Variants in PURG observed in about 807,000 individuals in gnomAD.
The protein encoded by PURG is purine rich element binding protein G.
Under a neutral mutation model 24.3 loss-of-function variants are expected in PURG, and 3 were observed. The ratio of observed to expected loss-of-function variants is 0.12; its 90% CI spans 0.06 to 0.32. PURG has a LOEUF of 0.32. Among genes scored for constraint, PURG ranks in the 10% least tolerant of loss-of-function variants. The pLI is 1.00. For missense variants in PURG, 371 were observed against 439.1 expected, an observed-to-expected ratio of 0.84 and a Z score of 1.39; for synonymous variants, 180 against 173.1, an observed-to-expected ratio of 1.04 and a Z score of -0.31.
chr8:31,020,673 G>A (rs1422615795), intron 1 of PURG, among the ~76,000 whole-genome samples: 2 of 152,146 alleles, frequency 1.3e-5, no homozygotes, highest in South Asian at 2.1e-4. Context: ...TTATTAAAAA[G>A]TTGCTTGTTT....
intron 1 of PURG, among the ~76,000 whole-genome samples, chr8:30,998,114 CA>C (rs1285247139): frequency 6.6e-6 from 1 of 151,666 alleles, no homozygotes. Flanking sequence ...AAAAACTGTC[CA>C]AAAATTGTTC....
exon 2 of PURG, chr8:30,996,666 A>C (rs1318236220): frequency 8.7e-6 from 14 of 1,612,056 alleles, no homozygotes; most frequent in Non-Finnish European, 1.2e-5. Context: ...AAAAAGGTTG[A>C]TATTCTCTCT....
At chr8:31,002,779 C>T (rs1445791129) in intron 1 of PURG, among the ~76,000 whole-genome samples, 7 of 152,184 alleles carry the variant, frequency 4.6e-5, no homozygotes, top group Non-Finnish European at 1.0e-4. Flanking sequence ...CCACCGTGCC[C>T]GGCCGAGATC....
rs111799828 is a variant in PURG at position 31,005,854 on chromosome 8, A to G, written c.865-9157T>C. Among the ~76,000 whole-genome samples the G allele has an allele frequency of 1.8e-3, 270 of 150,764 alleles. 1 individual carries two copies. Among genetic ancestry groups the G allele is most frequent in the African/African-American group, 6.0e-3 (246 of 40,860 alleles). On this transcript the variant is annotated intron_variant, in intron 1 of 1. Transcript: ENST00000339382. ...ACGCCCTGGAAAGGGATTCATGACT[A>G]ATTATCTATGGAGGACACGGGTTTT...
exon 2 of PURG, chr8:30,996,441 A>G: frequency 3.8e-6 from 2 of 526,748 alleles, no homozygotes. Flanking sequence ...TCAACATAAG[A>G]TCAGTTTGGA....
Position 31,032,545 on chromosome 8 carries a change from A to C in PURG, c.238T>G (p.Ser80Ala). 2.5e-6 allele frequency: 4 copies of C among 1,613,892 alleles called. No homozygotes were observed. The highest frequency in any genetic ancestry group is 3.4e-6 in the Non-Finnish European group (4 of 1,179,960). Residue 80 changes from serine (S) to alanine (A), a missense_variant, in exon 2 of 2, where the codon TCC becomes GCC. Coordinates refer to ENST00000523392, the MANE Select transcript of PURG (RefSeq NM_001323311.2). This position sits in a 1 kb window ranked among gnomAD's most constrained non-coding sequence, Gnocchi z 5.9. ...KRFYLDVKQSSRGRFLKIAEV... is the reference protein window; with the variant it reads ...KRFYLDVKQSARGRFLKIAEV... ...GCTATCTTTAGGAAGCGGCCCCGGG[A>C]GCTTTGCTTCACGTCTAGGTAAAAC...
rs560170833 is a variant in PURG, at chr8:31,024,825, T to C, written c.864+7094A>G. Among the ~76,000 whole-genome samples the C allele has an allele frequency of 1.9e-4, 29 of 152,170 alleles. No homozygotes were observed. In the South Asian group the frequency reaches 5.4e-3, roughly 28 times the overall value. ...CAAAAAAAACAACATAAGCTTTTTT[T>C]CCCCAGTCTTACACTTTGAGCAACT... On this transcript the variant is annotated intron_variant, in intron 1 of 1. Transcript: ENST00000339382.
downstream of PURG, among the ~76,000 whole-genome samples, chr8:31,028,627 T>C (rs989318133): frequency 2.0e-5 from 3 of 151,756 alleles, no homozygotes; most frequent in Non-Finnish European, 3.0e-5. Flanking sequence ...TGACTCAAGT[T>C]TCAGGGACAT....
chr8:31,033,336 G>A lies in PURG; in HGVS notation c.-265C>T, dbSNP rs369167366. The A allele has an allele frequency of 1.9e-5, 3 of 157,468 alleles. No individual in the cohort carries two copies. The East Asian group carries it at 5.7e-4, about 30-fold the overall frequency. The allele number at this position is 157,468 out of a possible 1,614,324, so 9.8% of individuals were successfully genotyped here. On this transcript the variant is annotated 5_prime_UTR_variant, in exon 1 of 2. Coordinates refer to ENST00000523392, the MANE Select transcript of PURG (RefSeq NM_001323311.2). ...ACCGGCCCCGCACCCGCCAGGAGGG[G>A]AGGGAAGGGGAGGCGGGGAGAGCGA...
intron 1 of PURG, among the ~76,000 whole-genome samples, chr8:31,017,165 T>C (rs547492969): frequency 2.6e-5 from 4 of 152,112 alleles, no homozygotes; most frequent in Admixed American, 2.0e-4. Context: ...TAGCAAATAT[T>C]TGGCATGAAC....
At chr8:31,021,224 T>A (rs755156341) in intron 1 of PURG, among the ~76,000 whole-genome samples, 2 of 152,258 alleles carry the variant, frequency 1.3e-5, no homozygotes, top group Admixed American at 6.5e-5. Flanking sequence ...AAAATATTGA[T>A]AAGATTTATT....
At chr8:31,002,563 A>T (rs778463313) in intron 1 of PURG, among the ~76,000 whole-genome samples, 2 of 152,156 alleles carry the variant, frequency 1.3e-5, no homozygotes, top group Non-Finnish European at 2.9e-5. Context: ...GGCTCACTGC[A>T]ACCTCTGTCT....
intron 1 of PURG, among the ~76,000 whole-genome samples, chr8:31,012,955 T>C (rs920764890): frequency 1.3e-5 from 2 of 152,262 alleles, no homozygotes; most frequent in Admixed American, 6.5e-5. Flanking sequence ...ACTTTATAGT[T>C]ATTTTGTGAC....
Position 31,033,208 on chromosome 8 carries a change from G to C in PURG, c.-137C>G, listed in dbSNP as rs1460013713. The C allele has an allele frequency of 2.1e-5, 4 of 191,968 alleles. No individual in the cohort carries two copies. Among genetic ancestry groups the C allele is most frequent in the Non-Finnish European group, 3.1e-5 (3 of 95,262 alleles). 11.9% of individuals were successfully genotyped at this position (191,968 alleles called of 1,614,324 possible). On this transcript the variant is annotated 5_prime_UTR_variant, in exon 1 of 2. Coordinates refer to ENST00000523392, the MANE Select transcript of PURG (RefSeq NM_001323311.2). ...GCCTCCTCCCCCGCCGCCGCCGCTC[G>C]CACTGCCCCCCGCCGGAGCAGCCGG... is the stretch of plus-strand genomic sequence containing the variant.
At chr8:31,025,179 G>A (rs1811067861) in intron 1 of PURG, among the ~76,000 whole-genome samples, 1 of 151,760 alleles carries the variant, frequency 6.6e-6, no homozygotes, top group Non-Finnish European at 1.5e-5. Flanking sequence ...AGAACATAAA[G>A]TTTGAAAAAT....
At chr8:31,002,725 C>A (rs998744663) in intron 1 of PURG, among the ~76,000 whole-genome samples, 2 of 152,186 alleles carry the variant, frequency 1.3e-5, no homozygotes, top group African/African-American at 4.8e-5. Flanking sequence ...CTCAGGTGAT[C>A]CACTTGCCTC....
chr8:31,031,552 C>T lies in PURG; in HGVS notation c.*187G>A, dbSNP rs986386038. 3 of 613,776 alleles carry T rather than the reference C, an allele frequency of 4.9e-6. No individual in the cohort carries two copies. The African/African-American group carries it at 5.5e-5, about 11-fold the overall frequency. 38.0% of individuals were successfully genotyped at this position (613,776 alleles called of 1,614,324 possible). ...TTTAGCTCTGGGAAGGTTGGAATTC[C>T]CGTAAGAATTATAGTGATCTATGTG... On this transcript the variant is annotated 3_prime_UTR_variant, in exon 2 of 2. Transcript: ENST00000523392.
intron 1 of PURG, among the ~76,000 whole-genome samples, chr8:31,017,242 C>G (rs1262942324): frequency 2.0e-5 from 3 of 152,064 alleles, no homozygotes; most frequent in Non-Finnish European, 4.4e-5. Flanking sequence ...ATTGCAAATA[C>G]AAGCGAGATG....
At chr8:31,024,405 A>C (rs1811054043) in intron 1 of PURG, among the ~76,000 whole-genome samples, 2 of 152,144 alleles carry the variant, frequency 1.3e-5, no homozygotes, top group Admixed American at 1.3e-4. Context: ...GAAATCATCC[A>C]ACAGAAGTTG....
Sources: gnomAD v4.1 joint callset for allele counts (sites outside exome capture counted in the v4.1 genomes callset) on GRCh38, gnomAD v4.1.1 for gene constraint, Gnocchi (gnomAD v3.1) non-coding constraint, MANE v1.5 for transcripts, NCBI Gene and HGNC (gene_info 2026-07-23, HGNC 2026-07-21) for gene names.